SYT16: variants seen among roughly 807,000 people sequenced by gnomAD.
SYT16 encodes synaptotagmin-16.
SYT16 carries 42 observed loss-of-function variants against 61.4 expected under a neutral mutation model. The observed-to-expected ratio is 0.68, with a 90% confidence interval of 0.53 to 0.89. SYT16 has a LOEUF of 0.89. Among genes scored for constraint, SYT16 ranks in the 40% least tolerant of loss-of-function variants. The pLI is 0.00. For missense variants in SYT16, 804 were observed against 807.3 expected, an observed-to-expected ratio of 1.00 and a Z score of 0.05; for synonymous variants, 314 against 302.3, an observed-to-expected ratio of 1.04 and a Z score of -0.40.
rs1251165064 is a variant in SYT16, at chr14:62,111,276, T to G, written c.*10569T>G. 1 of 152,084 alleles carries G rather than the reference T, an allele frequency of 6.6e-6. No individual in the cohort carries two copies. Among genetic ancestry groups the G allele is most frequent in the Non-Finnish European group, 1.5e-5 (1 of 67,936 alleles). 9.4% of individuals were successfully genotyped at this position (152,084 alleles called of 1,614,324 possible). A position where few individuals can be genotyped will look rare whatever the true frequency, so the allele number is the denominator to read the frequency against. ...ATGAAAAAAATGTAAATGTGAATGA[T>G]TCATTCATTTTGAACATATGTAACT... is the stretch of plus-strand genomic sequence containing the variant. On this transcript the variant is annotated 3_prime_UTR_variant, in exon 8 of 8. Transcript: ENST00000683842.
At chr14:61,859,080 T>C (rs541488474) in intron 1 of SYT16, among the ~76,000 whole-genome samples, 124 of 151,966 alleles carry the variant, frequency 8.2e-4, no homozygotes, top group Non-Finnish European at 1.3e-3. Flanking sequence ...AGGATGGTCT[T>C]GATCTCCTGA....
intron 1 of SYT16, among the ~76,000 whole-genome samples, chr14:61,857,242 C>G (rs962608015): frequency 6.6e-6 from 1 of 152,122 alleles, no homozygotes; most frequent in Non-Finnish European, 1.5e-5. Context: ...TGTCTGGTCC[C>G]CCTTGGTTGA....
chr14:62,036,249 G>A (rs1277863187), intron 3 of SYT16, among the ~76,000 whole-genome samples: 3 of 152,142 alleles, frequency 2.0e-5, no homozygotes, highest in Non-Finnish European at 4.4e-5. Context: ...GAGTATGGGA[G>A]CAGAGACATC....
intron 3 of SYT16, among the ~76,000 whole-genome samples, chr14:61,997,859 T>A (rs1483456833): frequency 1.3e-5 from 2 of 152,064 alleles, no homozygotes; most frequent in Non-Finnish European, 2.9e-5. Context: ...TAAAATCTAA[T>A]GGCAGTAAAA....
intron 3 of SYT16, among the ~76,000 whole-genome samples, chr14:62,025,119 C>T (rs373047087): frequency 1.6e-3 from 239 of 152,052 alleles, no homozygotes; most frequent in African/African-American, 5.3e-3. Context: ...TTTGTGTAGA[C>T]GTGTTTTCAA....
intron 1 of SYT16, among the ~76,000 whole-genome samples, chr14:61,879,341 TAAGGATGC>T (rs2047610803): frequency 6.6e-6 from 1 of 152,212 alleles, no homozygotes; most frequent in Non-Finnish European, 1.5e-5. Context: ...TGTGAAGAAG[TAAGGATGC>T]CCTTTCAGCC....
At chr14:62,074,163 C>T (rs1437073548) in intron 4 of SYT16, among the ~76,000 whole-genome samples, 4 of 152,108 alleles carry the variant, frequency 2.6e-5, no homozygotes, top group Non-Finnish European at 5.9e-5. Flanking sequence ...CTTAGGAAGA[C>T]CCTGCCAGCT....
chr14:62,042,021 C>G (rs935549861), intron 3 of SYT16, among the ~76,000 whole-genome samples: 1 of 152,126 alleles, frequency 6.6e-6, no homozygotes, highest in African/African-American at 2.4e-5. Flanking sequence ...AATCTGTTGT[C>G]TAGTTTGTTG....
At chr14:61,903,738 A>T (rs1037424618) in intron 1 of SYT16, among the ~76,000 whole-genome samples, 1 of 152,214 alleles carries the variant, frequency 6.6e-6, no homozygotes, top group Admixed American at 6.5e-5. Context: ...TTCTGGCAAC[A>T]TATTATTGGT....
chr14:62,043,784 G>C (rs1190191973), intron 3 of SYT16, among the ~76,000 whole-genome samples: 1 of 152,032 alleles, frequency 6.6e-6, no homozygotes, highest in Non-Finnish European at 1.5e-5. Context: ...ACCTGTCAAT[G>C]AGATTAATTA....
intron 1 of SYT16, among the ~76,000 whole-genome samples, chr14:61,956,244 A>G (rs1036624249): frequency 5.9e-5 from 9 of 151,942 alleles, no homozygotes; most frequent in Non-Finnish European, 1.3e-4. Context: ...CCCTCATTCC[A>G]TAGGTTACCT....
chr14:62,060,825 A>G (rs1282823483), intron 3 of SYT16, among the ~76,000 whole-genome samples: 2 of 152,042 alleles, frequency 1.3e-5, no homozygotes, highest in Non-Finnish European at 2.9e-5. Context: ...TATTAGGATT[A>G]TGCTGGCCTC....
intron 3 of SYT16, among the ~76,000 whole-genome samples, chr14:62,065,219 A>G (rs17099472): frequency 0.077 from 11,791 of 152,264 alleles, 716 homozygotes; most frequent in African/African-American, 0.17. Flanking sequence ...ATGCAATGAA[A>G]TCTGATGATA....
intron 1 of SYT16, among the ~76,000 whole-genome samples, chr14:61,847,935 T>G: frequency 6.6e-6 from 1 of 152,368 alleles, no homozygotes; most frequent in South Asian, 2.1e-4. Context: ...TTTGTTACAT[T>G]TATCTGATAG....
intron 3 of SYT16, among the ~76,000 whole-genome samples, chr14:62,018,275 G>A (rs1473570312): frequency 8.1e-5 from 11 of 135,498 alleles, no homozygotes; most frequent in Non-Finnish European, 1.8e-4. Context: ...GTCCCCTTGG[G>A]TCTTTCTCTT....
intron 3 of SYT16, among the ~76,000 whole-genome samples, chr14:62,054,823 A>G (rs904220976): frequency 1.4e-4 from 21 of 152,226 alleles, no homozygotes; most frequent in African/African-American, 5.1e-4. Context: ...TAACTTTAGA[A>G]ATTGCCTTGA....
intron 1 of SYT16, among the ~76,000 whole-genome samples, chr14:61,918,691 A>G (rs1286218142): frequency 1.3e-5 from 2 of 152,144 alleles, no homozygotes; most frequent in African/African-American, 2.4e-5. Flanking sequence ...ATTCTCAAAG[A>G]TAGCTCTGAA....
intron 5 of SYT16, among the ~76,000 whole-genome samples, chr14:62,078,142 T>G (rs1345728043): frequency 1.5e-5 from 2 of 129,420 alleles, no homozygotes; most frequent in Non-Finnish European, 1.6e-5. Flanking sequence ...TCTCTCGCTC[T>G]CTCTCTCTCT....
intron 3 of SYT16, among the ~76,000 whole-genome samples, chr14:62,064,351 A>AG (rs1555379075): frequency 1.3e-5 from 2 of 150,556 alleles, no homozygotes; most frequent in Non-Finnish European, 3.0e-5. Context: ...AAAAAAAAAA[A>AG]AAAAAAAGAA....
Sources: gnomAD v4.1 joint callset for allele counts (sites outside exome capture counted in the v4.1 genomes callset) on GRCh38, gnomAD v4.1.1 for gene constraint, MANE v1.5 for transcripts, NCBI Gene and HGNC (gene_info 2026-07-23, HGNC 2026-07-21) for gene names.